The following RUBCN variants were observed in gnomAD, a reference collection of about 807,000 sequenced individuals.
The protein encoded by RUBCN is rubicon autophagy regulator, also known as run domain Beclin-1-interacting and cysteine-rich domain-containing protein.
Under a neutral mutation model 113.2 loss-of-function variants are expected in RUBCN, and 74 were observed. That is an observed-to-expected ratio of 0.65 (90% CI 0.54 to 0.79). RUBCN has a LOEUF of 0.79. Ranked by LOEUF, RUBCN falls within the 30% of genes least tolerant of loss-of-function variation. The pLI is 0.00. For missense variants in RUBCN, 1,109 were observed against 1,251.7 expected (o/e 0.89, Z 1.72); for synonymous variants, 480 against 490.0 (o/e 0.98, Z 0.27).
rs1560395479 is a variant in RUBCN, at chr3:197,675,262, T to C, written c.2741-66A>G. 7 of 1,593,640 alleles carry C rather than the reference T, an allele frequency of 4.4e-6. No individual in the cohort carries two copies. The highest frequency in any genetic ancestry group is 2.2e-5 in the East Asian group (1 of 44,794). The stretch of plus-strand genomic sequence containing the variant: ...TGTATTATCTCCAGCTAGAGGTCAG[T>C]TGCTGCCACAGCCCCTTCTCGCCAC... On this transcript the variant is annotated intron_variant, in intron 19 of 19. Transcript: ENST00000296343. This position sits in a 1 kb window ranked among gnomAD's most constrained non-coding sequence, Gnocchi z 4.4.
At position 197,677,527 on chromosome 3, in the gene RUBCN, C is replaced by A; in HGVS notation, c.2445G>T (p.Gln815His). 1 of 1,614,122 alleles carries A rather than the reference C, an allele frequency of 6.2e-7. No individual in the cohort carries two copies. The part of the protein sequence containing the change: ...LLNQVRLLRV[Q>H]LCHMKNMFKT... ...TGAACATGTTCTTCATGTGACACAGCTGGACCCGCAGCAGCTGAAAAGAAA... is the reference window on the plus strand; with the variant it reads ...TGAACATGTTCTTCATGTGACACAGATGGACCCGCAGCAGCTGAAAAGAAA... The change falls in exon 17 of 20, where the codon CAG becomes CAT. Residue 815 changes from glutamine (Q) to histidine (H), a missense_variant. Transcript: ENST00000296343.
upstream of RUBCN, among the ~76,000 whole-genome samples, chr3:197,737,980 C>T (rs1234641676): frequency 6.6e-6 from 1 of 152,150 alleles, no homozygotes; most frequent in Non-Finnish European, 1.5e-5. Flanking sequence ...CCTGGAACTC[C>T]TGGGCTCAAG....
At chr3:197,745,961 G>A (rs779015558) in intron 1 of RUBCN, among the ~76,000 whole-genome samples, 14 of 152,072 alleles carry the variant, frequency 9.2e-5, no homozygotes, top group East Asian at 5.8e-4. Context: ...GCTTAAACCC[G>A]GGAGGCGGAG....
intron 2 of RUBCN, among the ~76,000 whole-genome samples, chr3:197,710,598 CAAAA>C (rs374376643): frequency 3.2e-5 from 3 of 94,304 alleles, no homozygotes; most frequent in Non-Finnish European, 4.5e-5. Context: ...AACTCCATCT[CAAAA>C]AAAAAAAAAA....
intron 2 of RUBCN, among the ~76,000 whole-genome samples, chr3:197,717,451 A>T (rs941150945): frequency 6.6e-6 from 1 of 151,768 alleles, no homozygotes; most frequent in Admixed American, 6.6e-5. Flanking sequence ...CTCAAAAAAA[A>T]AAAGGGGGGG....
Position 197,675,578 on chromosome 3 carries a change from G to T in RUBCN, c.2647-63C>A. 1 of 1,252,372 alleles carries T rather than the reference G, an allele frequency of 8.0e-7. No homozygotes were observed. Among genetic ancestry groups the T allele is most frequent in the Non-Finnish European group, 1.2e-6 (1 of 855,194 alleles). 77.6% of individuals were successfully genotyped at this position (1,252,372 alleles called of 1,614,324 possible). A position where few individuals can be genotyped will look rare whatever the true frequency, so the allele number is the denominator to read the frequency against. On this transcript the variant is annotated intron_variant, in intron 18 of 19. Coordinates refer to ENST00000296343, the MANE Select transcript of RUBCN (RefSeq NM_014687.4). This position sits in a 1 kb window ranked among gnomAD's most constrained non-coding sequence, Gnocchi z 4.4. ...GCACATCAGGAACTGGCACGGGAGG[G>T]TGAACACCGAGGAGGGGAGTGGTCT...
rs561005730 is a variant in RUBCN, at chr3:197,707,509, C to T, written c.220-2334G>A. On this transcript the variant is annotated intron_variant, in intron 2 of 19. Transcript: ENST00000296343. Reference sequence around the variant, plus strand: ...AGAAGTAGACCAATTTAGGCATTCTCCTCAAATCATAGAAAATAAATATGA... The same window carrying T: ...AGAAGTAGACCAATTTAGGCATTCTTCTCAAATCATAGAAAATAAATATGA... Among the ~76,000 whole-genome samples, 59 of 152,138 alleles carry T rather than the reference C, an allele frequency of 3.9e-4. 1 individual carries two copies. The highest frequency in any genetic ancestry group is 1.4e-3 in the African/African-American group (58 of 41,530).
chr3:197,746,946 C>G (rs1728771951), intron 1 of RUBCN, among the ~76,000 whole-genome samples: 2 of 151,480 alleles, frequency 1.3e-5, no homozygotes, highest in Admixed American at 1.3e-4. Context: ...TTTTTAATCC[C>G]CAGGGCCTAT....
At chr3:197,740,329 A>T (rs5028503), upstream of RUBCN, among the ~76,000 whole-genome samples, 2 of 150,948 alleles carry the variant, frequency 1.3e-5, no homozygotes, top group African/African-American at 4.9e-5. Context: ...ATTAGCTGGG[A>T]ATGGTGGCAG....
chr3:197,744,997 G>A (rs771009487), intron 1 of RUBCN, among the ~76,000 whole-genome samples: 14 of 152,112 alleles, frequency 9.2e-5, no homozygotes, highest in Non-Finnish European at 1.9e-4. Context: ...AAGAAAAGGG[G>A]GATTTAGGCT....
chr3:197,726,743 T>C (rs1726805916), intron 1 of RUBCN, among the ~76,000 whole-genome samples: 1 of 151,576 alleles, frequency 6.6e-6, no homozygotes, highest in Non-Finnish European at 1.5e-5. Flanking sequence ...GGTTTCACCA[T>C]GTTGGTCAGG....
Position 197,674,905 on chromosome 3 carries a change from A to T in RUBCN, c.*113T>A. On this transcript the variant is annotated 3_prime_UTR_variant, in exon 20 of 20. Coordinates refer to ENST00000296343, the MANE Select transcript of RUBCN (RefSeq NM_014687.4). ...TAAAAAAAAAAAAAAAGATGATGAT[A>T]ATTAAAAAAAAAAAAAAAAAAAGAA... 1 of 867,420 alleles carries T rather than the reference A, an allele frequency of 1.2e-6. No homozygotes were observed. The highest frequency in any genetic ancestry group is 1.7e-6 in the Non-Finnish European group (1 of 592,358). The allele number at this position is 867,420 out of a possible 1,614,324, so 53.7% of individuals were successfully genotyped here.
intron 1 of RUBCN, among the ~76,000 whole-genome samples, chr3:197,719,190 C>T (rs1294872614): frequency 6.6e-6 from 1 of 152,056 alleles, no homozygotes; most frequent in East Asian, 1.9e-4. Context: ...TAAAGAACAT[C>T]ATGAGGCTGG....
chr3:197,716,109 C>G (rs1725481845), intron 2 of RUBCN, among the ~76,000 whole-genome samples: 1 of 152,178 alleles, frequency 6.6e-6, no homozygotes, highest in South Asian at 2.1e-4. Flanking sequence ...TGTCACTGAG[C>G]ACATGGAGTT....
At chr3:197,734,286 T>G (rs957283985) in intron 1 of RUBCN, among the ~76,000 whole-genome samples, 32 of 150,642 alleles carry the variant, frequency 2.1e-4, no homozygotes, top group African/African-American at 7.8e-4. Context: ...TGCAGTCTCT[T>G]GGGCCGGCAT....
intron 2 of RUBCN, among the ~76,000 whole-genome samples, chr3:197,713,945 C>T (rs944519634): frequency 2.6e-5 from 4 of 151,682 alleles, no homozygotes; most frequent in African/African-American, 4.8e-5. Context: ...GGCGTGGTGG[C>T]GGGCGCTGTA....
intron 7 of RUBCN, among the ~76,000 whole-genome samples, chr3:197,699,801 C>CT (rs1723434172): frequency 6.6e-6 from 1 of 151,998 alleles, no homozygotes; most frequent in South Asian, 2.1e-4. Flanking sequence ...ACCGCCCCCT[C>CT]TTTTTTTTAG....
intron 1 of RUBCN, among the ~76,000 whole-genome samples, chr3:197,731,099 G>GTGAACAAAGGTCTCCGGTTT (rs1727405417): frequency 6.6e-6 from 1 of 151,836 alleles, no homozygotes; most frequent in African/African-American, 2.4e-5. Flanking sequence ...AGATAAACAA[G>GTGAACAAAGGTCTCCGGTTT]TGAACAAAGG....
chr3:197,740,464 A>G (rs4857518), upstream of RUBCN, among the ~76,000 whole-genome samples: 132,562 of 151,546 alleles, frequency 0.87, 58,066 homozygotes, highest in East Asian at 0.99. Flanking sequence ...GCAAGACTCC[A>G]TCTTAAAAAA....
Sources: gnomAD v4.1 joint callset for allele counts (sites outside exome capture counted in the v4.1 genomes callset) on GRCh38, gnomAD v4.1.1 for gene constraint, Gnocchi (gnomAD v3.1) non-coding constraint, MANE v1.5 for transcripts, NCBI Gene and HGNC (gene_info 2026-07-23, HGNC 2026-07-21) for gene names.